EYS: variants seen among roughly 807,000 people sequenced by gnomAD.
EYS encodes protein eyes shut homolog.
A neutral mutation model predicts 282.1 loss-of-function variants in EYS; 250 were observed. That is an observed-to-expected ratio of 0.89 (90% confidence interval 0.80 to 0.98). The LOEUF is 0.98. Among genes scored for constraint, EYS ranks in the 50% least tolerant of loss-of-function variants. The pLI is 0.00. For synonymous variants in EYS, 1,355 were observed against 1,282.9 expected, an observed-to-expected ratio of 1.06 and a Z score of -1.20; for missense variants, 4,016 against 3,709.0, an observed-to-expected ratio of 1.08 and a Z score of -2.15.
At chr6:64,559,020 A>C (rs557141461) in intron 26 of EYS, among the ~76,000 whole-genome samples, 81 of 152,268 alleles carry the variant, frequency 5.3e-4, no homozygotes, top group African/African-American at 1.9e-3. Context: ...CAGTTTTTAA[A>C]TATTTTTGTT....
At chr6:64,594,583 T>C (rs1438300612) in intron 24 of EYS, among the ~76,000 whole-genome samples, 1 of 150,276 alleles carries the variant, frequency 6.7e-6, no homozygotes, top group Non-Finnish European at 1.5e-5. Flanking sequence ...CAGCAAACTA[T>C]CGCAAGGACA....
In EYS at chr6:64,821,545, A is replaced by T. The variant is rs1418937311; in HGVS notation, c.3243+100T>A. ...ATGAGAGAACAGTTAAATCATCAACAACTGTGGAAGAAATGACTCTGAAAC... is the reference window on the plus strand; with the variant it reads ...ATGAGAGAACAGTTAAATCATCAACTACTGTGGAAGAAATGACTCTGAAAC... On this transcript the variant is annotated intron_variant, in intron 21 of 42. Transcript: ENST00000503581. 6.5e-6 allele frequency: 4 copies of T among 611,468 alleles called. No homozygotes were observed. The African/African-American group carries it at 7.8e-5, about 12-fold the overall frequency. 37.9% of individuals were successfully genotyped at this position (611,468 alleles called of 1,614,324 possible).
At chr6:64,262,651 T>C (rs370381439) in intron 30 of EYS, among the ~76,000 whole-genome samples, 35 of 152,070 alleles carry the variant, frequency 2.3e-4, no homozygotes, top group African/African-American at 8.2e-4. Flanking sequence ...CTTTGGCTGT[T>C]TAATGTTGGA....
chr6:65,010,668 C>A (rs1193788604), intron 13 of EYS, among the ~76,000 whole-genome samples: 1 of 152,168 alleles, frequency 6.6e-6, no homozygotes, highest in Non-Finnish European at 1.5e-5. Context: ...CCCTTCACTG[C>A]AGGAACTAGT....
At chr6:65,199,411 G>A (rs181627456) in intron 12 of EYS, among the ~76,000 whole-genome samples, 54 of 152,168 alleles carry the variant, frequency 3.5e-4, no homozygotes, top group African/African-American at 1.3e-3. Context: ...CAATTGTTAT[G>A]ACATATTTTT....
At chr6:63,955,645 G>C (rs1026350488) in intron 35 of EYS, among the ~76,000 whole-genome samples, 8 of 152,060 alleles carry the variant, frequency 5.3e-5, no homozygotes, top group African/African-American at 1.9e-4. Context: ...TAAAAAAAGA[G>C]GACTCTGTAT....
At chr6:65,674,383 C>T (rs1768501777) in intron 1 of EYS, among the ~76,000 whole-genome samples, 1 of 122,128 alleles carries the variant, frequency 8.2e-6, no homozygotes, top group Non-Finnish European at 1.6e-5. Context: ...AAAGCCAGCA[C>T]AATATTGCAG....
In EYS at chr6:65,499,590, G is replaced by A. The variant is rs549073621; in HGVS notation, c.-332-3597C>T. Among the ~76,000 whole-genome samples, 79 of 152,030 alleles carry A rather than the reference G, an allele frequency of 5.2e-4. 1 individual carries two copies. The highest frequency in any genetic ancestry group is 1.8e-3 in the African/African-American group (74 of 41,538). On this transcript the variant is annotated intron_variant, in intron 2 of 42. Transcript: ENST00000503581. ...ACAAAGAGGAAAATTAGAAATAGAA[G>A]AGATAAAATTAACAGATACAAAAGT...
chr6:64,316,910 C>A (rs184959955), intron 29 of EYS, among the ~76,000 whole-genome samples: 1 of 152,060 alleles, frequency 6.6e-6, no homozygotes, highest in African/African-American at 2.4e-5. Flanking sequence ...AATACCACCA[C>A]ACATCTACAA....
intron 35 of EYS, among the ~76,000 whole-genome samples, chr6:63,965,911 C>G (rs990375453): frequency 6.6e-6 from 1 of 152,164 alleles, no homozygotes; most frequent in Non-Finnish European, 1.5e-5. Context: ...AGAATATGAA[C>G]CGCAGAATTC....
intron 29 of EYS, among the ~76,000 whole-genome samples, chr6:64,351,677 C>G (rs1420457331): frequency 1.3e-5 from 2 of 151,312 alleles, no homozygotes; most frequent in Non-Finnish European, 3.0e-5. Context: ...TCATTTAAAA[C>G]AAATAGGAAG....
intron 5 of EYS, among the ~76,000 whole-genome samples, chr6:65,435,702 T>G (rs1300991772): frequency 6.6e-6 from 1 of 152,164 alleles, no homozygotes; most frequent in East Asian, 1.9e-4. Flanking sequence ...CTTGTCAAAA[T>G]TCATTTGGTG....
intron 22 of EYS, among the ~76,000 whole-genome samples, chr6:64,695,535 C>T (rs1476915517): frequency 2.0e-5 from 3 of 151,970 alleles, no homozygotes; most frequent in African/African-American, 4.8e-5. Context: ...GAGTATACAC[C>T]ACTGAATGCA....
At chr6:65,546,948 C>A (rs1490772451) in intron 2 of EYS, among the ~76,000 whole-genome samples, 1 of 152,024 alleles carries the variant, frequency 6.6e-6, no homozygotes, top group Admixed American at 6.6e-5. Flanking sequence ...TTTTCTACAA[C>A]TCTACTACTC....
intron 26 of EYS, among the ~76,000 whole-genome samples, chr6:64,529,283 A>G (rs2150530565): frequency 6.6e-6 from 1 of 152,146 alleles, no homozygotes; most frequent in East Asian, 1.9e-4. Context: ...TCTTTGGTTA[A>G]AATGCTTGAC....
At chr6:64,489,827 T>C (rs1324832696) in intron 26 of EYS, among the ~76,000 whole-genome samples, 2 of 150,742 alleles carry the variant, frequency 1.3e-5, no homozygotes, top group Non-Finnish European at 1.5e-5. Context: ...CATATTTTTA[T>C]ATACTTCTGG....
At chr6:64,555,663 G>T (rs923889758) in intron 26 of EYS, among the ~76,000 whole-genome samples, 12 of 151,752 alleles carry the variant, frequency 7.9e-5, no homozygotes, top group Admixed American at 6.6e-4. Flanking sequence ...AGGAAATACA[G>T]ATGGCAAATA....
intron 12 of EYS, among the ~76,000 whole-genome samples, chr6:65,197,195 G>C (rs1025351183): frequency 6.6e-6 from 1 of 151,930 alleles, no homozygotes; most frequent in African/African-American, 2.4e-5. Flanking sequence ...CTGATGTGGG[G>C]GCATATAATA....
At chr6:64,582,686 A>G (rs1260387126) in intron 26 of EYS, among the ~76,000 whole-genome samples, 1 of 152,076 alleles carries the variant, frequency 6.6e-6, no homozygotes, top group Non-Finnish European at 1.5e-5. Flanking sequence ...GAACTGTAGA[A>G]TGCACAAAAA....
Sources: allele counts gnomAD v4.1 joint callset (sites outside exome capture counted in the v4.1 genomes callset), GRCh38; gene constraint gnomAD v4.1.1; transcripts MANE v1.5; gene names NCBI Gene and HGNC (gene_info 2026-07-23, HGNC 2026-07-21).